The following FAT3 variants were observed in gnomAD, a reference collection of about 807,000 sequenced individuals.
The protein encoded by FAT3 is protocadherin Fat 3.
FAT3 carries 95 observed loss-of-function variants against 310.2 expected under a neutral mutation model. That is an observed-to-expected ratio of 0.31 (90% confidence interval 0.26 to 0.36). FAT3 has a LOEUF of 0.36. Ranked by LOEUF, FAT3 falls within the 10% of genes least tolerant of loss-of-function variation. The pLI, the probability that FAT3 is intolerant of heterozygous loss-of-function variation, is 1.00. For synonymous variants in FAT3, 2,314 were observed against 2,192.9 expected (o/e 1.06, Z -1.54); for missense variants, 5,408 against 5,715.6 (o/e 0.95, Z 1.74).
At chr11:92,548,584 T>C (rs559916685) in intron 3 of FAT3, among the ~76,000 whole-genome samples, 30 of 152,252 alleles carry the variant, frequency 2.0e-4, no homozygotes, top group Non-Finnish European at 3.4e-4. Flanking sequence ...TTAGGGCACT[T>C]ATAACAATTT....
At chr11:92,571,529 C>T (rs1370336429) in intron 3 of FAT3, among the ~76,000 whole-genome samples, 1 of 152,214 alleles carries the variant, frequency 6.6e-6, no homozygotes, top group Admixed American at 6.5e-5. Context: ...CACCACCATC[C>T]ATTAGCACCT....
chr11:92,808,140 AT>A (rs1237694477), intron 12 of FAT3, among the ~76,000 whole-genome samples: 3 of 152,216 alleles, frequency 2.0e-5, no homozygotes, highest in African/African-American at 4.8e-5. Flanking sequence ...ACATAAAAGT[AT>A]TTTATGGGAT....
At chr11:92,720,201 AAC>A (rs1291489758) in intron 4 of FAT3, among the ~76,000 whole-genome samples, 1 of 152,190 alleles carries the variant, frequency 6.6e-6, no homozygotes, top group Non-Finnish European at 1.5e-5. Context: ...TTTTCTCCTT[AAC>A]ATAGTGCCTA....
At chr11:92,456,069 G>A (rs1591313690) in intron 2 of FAT3, among the ~76,000 whole-genome samples, 1 of 152,140 alleles carries the variant, frequency 6.6e-6, no homozygotes, top group South Asian at 2.1e-4. Flanking sequence ...AGTCTCATGT[G>A]ATATAATTTC....
intron 2 of FAT3, among the ~76,000 whole-genome samples, chr11:92,503,700 C>G (rs1011526575): frequency 6.6e-6 from 1 of 152,026 alleles, no homozygotes; most frequent in African/African-American, 2.4e-5. Flanking sequence ...ACAACACACT[C>G]TGATTTTTTT....
chr11:92,677,021 G>A (rs1176115248), intron 3 of FAT3, among the ~76,000 whole-genome samples: 2 of 152,196 alleles, frequency 1.3e-5, no homozygotes, highest in Non-Finnish European at 2.9e-5. Context: ...AAATGTCATG[G>A]ATGATGGTAA....
chr11:92,499,608 T>A (rs1952869219), intron 2 of FAT3, among the ~76,000 whole-genome samples: 1 of 152,018 alleles, frequency 6.6e-6, no homozygotes, highest in African/African-American at 2.4e-5. Flanking sequence ...GCAGAGACCC[T>A]GACCCTAGCT....
intron 3 of FAT3, among the ~76,000 whole-genome samples, chr11:92,536,537 A>T (rs560270676): frequency 6.6e-6 from 1 of 152,168 alleles, no homozygotes; most frequent in Non-Finnish European, 1.5e-5. Flanking sequence ...ATGAGTTAAG[A>T]TATGTAAAGT....
At chr11:92,261,435 T>C (rs1277159878) in intron 1 of FAT3, among the ~76,000 whole-genome samples, 1 of 152,162 alleles carries the variant, frequency 6.6e-6, no homozygotes, top group Non-Finnish European at 1.5e-5. Context: ...TAAAGGGGCC[T>C]CTTATGCAGA....
At chr11:92,817,777 G>A (rs1345182903) in intron 13 of FAT3, among the ~76,000 whole-genome samples, 8 of 152,198 alleles carry the variant, frequency 5.3e-5, no homozygotes, top group Non-Finnish European at 7.3e-5. Flanking sequence ...GACCACTAAC[G>A]ATTGTTAGAT....
At chr11:92,302,260 C>T (rs955392436) in intron 1 of FAT3, among the ~76,000 whole-genome samples, 2 of 151,870 alleles carry the variant, frequency 1.3e-5, no homozygotes, top group Admixed American at 6.6e-5. Flanking sequence ...ATATTCAAAC[C>T]TCCCGGTGGT....
chr11:92,296,322 G>T (rs946692479), intron 1 of FAT3, among the ~76,000 whole-genome samples: 2 of 152,114 alleles, frequency 1.3e-5, no homozygotes, highest in African/African-American at 2.4e-5. Flanking sequence ...TAACATAACA[G>T]TATCATGACT....
At chr11:92,730,859 T>A (rs1055347873) in intron 4 of FAT3, among the ~76,000 whole-genome samples, 9 of 151,922 alleles carry the variant, frequency 5.9e-5, no homozygotes, top group African/African-American at 1.2e-4. Context: ...GTTTTTAAAA[T>A]TTTTTTTTCA....
At chr11:92,564,956 C>T (rs1024040235) in intron 3 of FAT3, among the ~76,000 whole-genome samples, 2 of 142,884 alleles carry the variant, frequency 1.4e-5, no homozygotes, top group Admixed American at 7.4e-5. Flanking sequence ...AATTGACACC[C>T]TAACATCACA....
rs765922505 is a variant in FAT3 at position 92,890,942 on chromosome 11, C to T, written c.13599C>T (p.Ser4533=). The T allele has an allele frequency of 2.0e-5, 33 of 1,613,858 alleles. No homozygotes were observed. The Admixed American group carries it at 3.0e-4, about 15-fold the overall frequency. The part of the protein sequence containing the change: ...QGTEPTGPAD[S]VSLSLHNSRG... ...CAGAGCCCACAGGCCCAGCAGACAG[C>T]GTGTCTCTGTCCTTGCACAATTCCA... The change falls in exon 28 of 28, where the codon AGC becomes AGT. Residue 4533 remains serine, a synonymous_variant. Coordinates refer to ENST00000525166, the MANE Select transcript of FAT3 (RefSeq NM_001367949.2).
At chr11:92,456,835 G>A (rs1951506134) in intron 2 of FAT3, among the ~76,000 whole-genome samples, 1 of 152,050 alleles carries the variant, frequency 6.6e-6, no homozygotes, top group Non-Finnish European at 1.5e-5. Flanking sequence ...GCATGTGTAA[G>A]GTCTTCCATT....
intron 2 of FAT3, among the ~76,000 whole-genome samples, chr11:92,466,708 A>G (rs892399356): frequency 6.9e-6 from 1 of 145,004 alleles, no homozygotes; most frequent in South Asian, 2.3e-4. Flanking sequence ...CATTAGGTGT[A>G]TCTCCTAATG....
At chr11:92,702,292 T>C (rs527846700) in intron 4 of FAT3, among the ~76,000 whole-genome samples, 11 of 152,236 alleles carry the variant, frequency 7.2e-5, no homozygotes, top group African/African-American at 2.4e-4. Flanking sequence ...TTAATAAGTG[T>C]GTGAATGAAT....
At chr11:92,364,622 C>T (rs943186582) in intron 2 of FAT3, among the ~76,000 whole-genome samples, 6 of 152,184 alleles carry the variant, frequency 3.9e-5, no homozygotes, top group Non-Finnish European at 8.8e-5. Context: ...GGGCTGTAGT[C>T]TGTATTTTTC....
Sources: allele counts gnomAD v4.1 joint callset (sites outside exome capture counted in the v4.1 genomes callset), GRCh38; gene constraint gnomAD v4.1.1; transcripts MANE v1.5; gene names NCBI Gene and HGNC (gene_info 2026-07-23, HGNC 2026-07-21).